CC2D2A: variants seen among roughly 807,000 people sequenced by gnomAD.
CC2D2A encodes the protein coiled-coil and C2 domain-containing protein 2A.
Under a neutral mutation model 212.9 loss-of-function variants are expected in CC2D2A, and 155 were observed. The observed-to-expected ratio is 0.73, with a 90% CI of 0.64 to 0.83. The LOEUF (loss-of-function observed/expected upper bound fraction) is 0.83, where lower values mean the gene tolerates loss of function less well. Ranked by LOEUF, CC2D2A falls within the 40% of genes least tolerant of loss-of-function variation. CC2D2A has a pLI of 0.00. For missense variants in CC2D2A, 1,856 were observed against 1,956.2 expected, an observed-to-expected ratio of 0.95 and a Z score of 0.97; for synonymous variants, 667 against 686.5, an observed-to-expected ratio of 0.97 and a Z score of 0.44.
intron 32 of CC2D2A, among the ~76,000 whole-genome samples, chr4:15,588,804 G>T (rs1720964818): frequency 6.6e-6 from 1 of 152,140 alleles, no homozygotes; most frequent in Admixed American, 6.5e-5. Flanking sequence ...TTATAGAAAA[G>T]TGGGATAATT....
chr4:15,556,787 G>C (rs1055332985), intron 20 of CC2D2A, among the ~76,000 whole-genome samples: 3 of 152,228 alleles, frequency 2.0e-5, no homozygotes, highest in African/African-American at 7.2e-5. Flanking sequence ...GGCTGGCTGG[G>C]CTGGATCCAT....
intron 31 of CC2D2A, among the ~76,000 whole-genome samples, chr4:15,587,271 G>T (rs1720892613): frequency 1.3e-5 from 2 of 152,188 alleles, no homozygotes; most frequent in Non-Finnish European, 2.9e-5. Context: ...AGCTCACGTG[G>T]TAATGCTTGT....
At chr4:15,481,018 A>T (rs1714607316) in intron 4 of CC2D2A, among the ~76,000 whole-genome samples, 191 bp downstream of exon 4, 2 of 152,128 alleles carry the variant, frequency 1.3e-5, no homozygotes, top group South Asian at 4.1e-4. Flanking sequence ...TAGCTTCAGG[A>T]TGTGTTTCTA....
At position 15,563,434 on chromosome 4, in the gene CC2D2A, A is replaced by G; in HGVS notation, c.3094A>G (p.Thr1032Ala). 2 of 1,611,116 alleles carry G rather than the reference A, an allele frequency of 1.2e-6. No homozygotes were observed. The highest frequency in any genetic ancestry group is 1.7e-6 in the Non-Finnish European group (2 of 1,178,650). The change falls in exon 24 of 37, where the codon ACA becomes GCA. Residue 1032 changes from threonine to alanine, a missense_variant. By Grantham distance (58) the Thr-to-Ala change is moderately conservative. Transcript: ENST00000424120. The stretch of plus-strand genomic sequence containing the variant: ...AAGGAGAAAAGGTCGGAAGAAGGTG[A>G]CAGCCCAAAACCTGTCTGATGGAGA... The part of the protein sequence containing the change: ...RPRRKGRKKV[T>A]AQNLSDGDIK...
chr4:15,515,876 T>A lies in CC2D2A; in HGVS notation c.889T>A (p.Tyr297Asn). 6.4e-7 allele frequency: 1 copy of A among 1,551,820 alleles called. No individual in the cohort carries two copies. The highest frequency in any genetic ancestry group is 8.7e-7 in the Non-Finnish European group (1 of 1,147,028). ...ATTTATAAACGATCTAGTCCCTACA[T>A]ATAAAAAGCTTCCTGAGAATGTACA... ...FIPSRQTVPTYKKLPENVQPR... is the reference protein window; with the variant it reads ...FIPSRQTVPTNKKLPENVQPR... Residue 297 changes from tyrosine (Y) to asparagine (N), a missense_variant, in exon 10 of 37, where the codon TAT becomes AAT. Physicochemically the swap from Tyr to Asn is moderately radical, Grantham distance 143. Coordinates refer to ENST00000424120, the MANE Select transcript of CC2D2A (RefSeq NM_001378615.1).
At chr4:15,536,827 G>A in intron 14 of CC2D2A, 93 bp from the exon 15 acceptor site, 1 of 1,176,440 alleles carries the variant, frequency 8.5e-7, no homozygotes, top group African/African-American at 1.5e-5. Flanking sequence ...AGAGGAACTG[G>A]CACATAGCAA....
intron 17 of CC2D2A, among the ~76,000 whole-genome samples, chr4:15,548,548 T>C (rs1718826928): frequency 6.6e-6 from 1 of 151,424 alleles, no homozygotes; most frequent in South Asian, 2.1e-4. Flanking sequence ...TCTCAATAAA[T>C]TTTTGTCTCA....
intron 4 of CC2D2A, among the ~76,000 whole-genome samples, chr4:15,489,435 C>T (rs999590814): frequency 2.4e-4 from 37 of 152,060 alleles, no homozygotes; most frequent in Admixed American, 6.5e-4. Flanking sequence ...CATTCACCAA[C>T]GCTGCAGTTC....
intron 4 of CC2D2A, among the ~76,000 whole-genome samples, chr4:15,485,478 C>G (rs375491802): frequency 1.3e-5 from 2 of 152,298 alleles, no homozygotes; most frequent in Admixed American, 6.5e-5. Context: ...GCTTTCCTTT[C>G]TTTTGGATAT....
At position 15,573,804 on chromosome 4, in the gene CC2D2A, C is replaced by T. The variant is rs185931151; in HGVS notation, c.3595-346C>T. Reference sequence around the variant, plus strand: ...ATTCATTCACTACTCATAACAACCCCACAAAGTAGATACTATTATTGTCTC... The same window carrying T: ...ATTCATTCACTACTCATAACAACCCTACAAAGTAGATACTATTATTGTCTC... On this transcript the variant is annotated intron_variant, in intron 28 of 36. Transcript: ENST00000424120. Among the ~76,000 whole-genome samples the T allele has an allele frequency of 4.7e-4, 72 of 152,312 alleles. 1 individual carries two copies. Among genetic ancestry groups the T allele is most frequent in the Non-Finnish European group, 2.9e-5 (2 of 68,030 alleles).
At chr4:15,491,003 G>C (rs142968858) in intron 4 of CC2D2A, among the ~76,000 whole-genome samples, 2 of 152,042 alleles carry the variant, frequency 1.3e-5, no homozygotes, top group Non-Finnish European at 2.9e-5. Flanking sequence ...TTGCTCACTC[G>C]GGGAGCTCAG....
chr4:15,589,456 A>C, intron 32 of CC2D2A, 89 bp from the exon 33 acceptor site: 1 of 1,120,608 alleles, frequency 8.9e-7, no homozygotes, highest in Non-Finnish European at 1.3e-6. Context: ...TAAGGGTCCA[A>C]GTAAAATAAT....
chr4:15,584,482 C>G (rs928666864), intron 30 of CC2D2A, among the ~76,000 whole-genome samples: 3 of 152,096 alleles, frequency 2.0e-5, no homozygotes, highest in Non-Finnish European at 4.4e-5. Flanking sequence ...CCATCACTCA[C>G]CATATACAAA....
intron 6 of CC2D2A, among the ~76,000 whole-genome samples, 184 bp from the exon 7 acceptor site, chr4:15,509,955 A>G (rs1442129780): frequency 6.6e-6 from 1 of 152,238 alleles, no homozygotes; most frequent in Non-Finnish European, 1.5e-5. Context: ...GCAGTTCTAC[A>G]GGCTGTCGCT....
intron 11 of CC2D2A, 136 bp downstream of exon 11, chr4:15,516,892 A>ACATCAGG: frequency 1.3e-6 from 1 of 767,070 alleles, no homozygotes; most frequent in East Asian, 3.0e-5. Flanking sequence ...TAAAGAACAA[A>ACATCAGG]CATCAGGCAT....
rs144867271 is a variant in CC2D2A, at chr4:15,490,918, C to G, written c.247+10091C>G. On this transcript the variant is annotated intron_variant, in intron 4 of 36. Transcript: ENST00000424120. ...GTGCATGCAGCCCCCAGTCACGTAC[C>G]CCTGCTTGCTCAATCGATCACGACC... 2.7e-3 allele frequency among the ~76,000 whole-genome samples: 404 copies of G among 152,116 alleles called. 2 individuals are homozygous for G. Among genetic ancestry groups the G allele is most frequent in the African/African-American group, 9.3e-3 (387 of 41,502 alleles).
At chr4:15,530,980 T>C (rs756690812) in intron 13 of CC2D2A, among the ~76,000 whole-genome samples, 1 of 152,216 alleles carries the variant, frequency 6.6e-6, no homozygotes, top group African/African-American at 2.4e-5. Context: ...TCATGCAACA[T>C]AGGAATATTT....
At chr4:15,487,640 T>C (rs530285124) in intron 4 of CC2D2A, among the ~76,000 whole-genome samples, 6 of 152,232 alleles carry the variant, frequency 3.9e-5, no homozygotes, top group African/African-American at 1.4e-4. Context: ...ATTTAGTCCA[T>C]TTATATTCAA....
chr4:15,559,924 C>T (rs1046718155), intron 22 of CC2D2A, among the ~76,000 whole-genome samples: 2 of 152,092 alleles, frequency 1.3e-5, no homozygotes, highest in Non-Finnish European at 2.9e-5. Context: ...GTCCACCTCC[C>T]GGGCTCAAGC....
Sources: gnomAD v4.1 joint callset for allele counts (sites outside exome capture counted in the v4.1 genomes callset) on GRCh38, gnomAD v4.1.1 for gene constraint, MANE v1.5 for transcripts, NCBI Gene and HGNC (gene_info 2026-07-23, HGNC 2026-07-21) for gene names.